The following LIMCH1 variants were observed in gnomAD, a reference collection of about 807,000 sequenced individuals.
LIMCH1 encodes LIM and calponin homology domains-containing protein 1.
In LIMCH1, 113 loss-of-function variants were observed where a neutral mutation model predicts 176.5. That is an observed-to-expected ratio of 0.64 (90% CI 0.55 to 0.75). The LOEUF (loss-of-function observed/expected upper bound fraction) is 0.75, where lower values mean the gene tolerates loss of function less well. LIMCH1 is among the 30% of genes least tolerant of loss of function. The pLI is 0.00. For missense variants in LIMCH1, 1,674 were observed against 1,814.9 expected (o/e 0.92, Z 1.41); for synonymous variants, 619 against 645.9 (o/e 0.96, Z 0.63).
chr4:41,581,139 TATCTATC>T (rs751156337), intron 1 of LIMCH1, among the ~76,000 whole-genome samples: 35 of 132,422 alleles, frequency 2.6e-4, no homozygotes, highest in African/African-American at 6.8e-4. Flanking sequence ...TCTATCTATC[TATCTATC>T]ATCTAATCAA....
At chr4:41,375,288 A>G (rs76237531) in intron 1 of LIMCH1, among the ~76,000 whole-genome samples, 5,026 of 152,312 alleles carry the variant, frequency 0.033, 121 homozygotes, top group Non-Finnish European at 0.051. Context: ...TCCTATTTTT[A>G]TAAGACTAGA....
intron 1 of LIMCH1, chr4:41,551,531 G>C (rs1252053638): frequency 6.6e-6 from 1 of 152,124 alleles, no homozygotes; most frequent in African/African-American, 2.4e-5. Flanking sequence ...ATACAAATAC[G>C]AGATGAAATT....
intron 1 of LIMCH1, among the ~76,000 whole-genome samples, chr4:41,395,750 G>T (rs2057739730): frequency 6.6e-6 from 1 of 151,908 alleles, no homozygotes; most frequent in Non-Finnish European, 1.5e-5. Context: ...AATACTTATT[G>T]AGCATCTACT....
At chr4:41,685,886 T>G in intron 28 of LIMCH1, 56 bp downstream of exon 28, 1 of 1,579,854 alleles carries the variant, frequency 6.3e-7, no homozygotes, top group South Asian at 1.2e-5. Context: ...TTCATTTAGT[T>G]AGAAGGGAGA....
At chr4:41,617,024 T>C (rs1300568871) in intron 5 of LIMCH1, among the ~76,000 whole-genome samples, 4 of 152,042 alleles carry the variant, frequency 2.6e-5, no homozygotes, top group Admixed American at 2.6e-4. Context: ...CTTATGTTGT[T>C]AGACAACATA....
intron 1 of LIMCH1, among the ~76,000 whole-genome samples, chr4:41,379,223 T>C (rs1451022035): frequency 6.6e-6 from 1 of 152,210 alleles, no homozygotes; most frequent in Non-Finnish European, 1.5e-5. Context: ...TGACTGTGGC[T>C]GGAAGATCTG....
intron 1 of LIMCH1, among the ~76,000 whole-genome samples, chr4:41,474,101 G>A (rs4861112): frequency 1.1e-3 from 164 of 152,018 alleles, no homozygotes; most frequent in African/African-American, 3.8e-3. Context: ...TTGCTTGAAC[G>A]CATGAAGGGG....
intron 1 of LIMCH1, among the ~76,000 whole-genome samples, chr4:41,428,822 C>T (rs780066923): frequency 1.2e-4 from 19 of 152,174 alleles, no homozygotes; most frequent in Non-Finnish European, 2.6e-4. Flanking sequence ...GAGAGAGCAT[C>T]GCTAATGGCA....
At chr4:41,593,244 A>G (rs1344595010) in intron 1 of LIMCH1, among the ~76,000 whole-genome samples, 2 of 152,266 alleles carry the variant, frequency 1.3e-5, no homozygotes, top group East Asian at 1.9e-4. Context: ...CCACTGGCCC[A>G]TGAACAAGGA....
In LIMCH1 at chr4:41,666,642, C is replaced by T. The variant is rs971047115; in HGVS notation, c.3373C>T (p.His1125Tyr). The T allele has an allele frequency of 1.2e-6, 2 of 1,613,112 alleles. No individual in the cohort carries two copies. The highest frequency in any genetic ancestry group is 1.7e-6 in the Non-Finnish European group (2 of 1,179,068). ...LDKMPEANQL[H>Y]LPNLNSQVDS... ...CAAAATGCCTGAAGCCAACCAACTA[C>T]ATTTGCCAAATCTCAATTCTCAAGG... Residue 1125 changes from histidine to tyrosine, a missense_variant, in exon 21 of 32, where the codon CAT (histidine) becomes TAT (tyrosine). Around this residue, in one of 3 missense-constraint regions of LIMCH1, gnomAD observed 1,015 missense variants for 1,102.5 expected, o/e 0.92. Transcript: ENST00000503057.
At chr4:41,626,642 A>C in intron 7 of LIMCH1, 66 bp from the exon 8 acceptor site, 3 of 1,285,944 alleles carry the variant, frequency 2.3e-6, no homozygotes, top group Non-Finnish European at 3.2e-6. Context: ...TTGTCTGTCT[A>C]GAGATGGAGA....
intron 11 of LIMCH1, 22 bp downstream of exon 11, chr4:41,632,889 C>T (rs1179569304): frequency 1.2e-5 from 19 of 1,532,190 alleles, no homozygotes; most frequent in Non-Finnish European, 1.7e-5. Flanking sequence ...TGTTTCCTGC[C>T]TTCCCGGGAG....
At chr4:41,414,961 T>C (rs1476191288) in intron 1 of LIMCH1, among the ~76,000 whole-genome samples, 1 of 152,140 alleles carries the variant, frequency 6.6e-6, no homozygotes, top group Admixed American at 6.5e-5. Flanking sequence ...TTGCCGCTTA[T>C]TAGATGTTTA....
intron 4 of LIMCH1, chr4:41,612,354 T>A (rs943027949): frequency 4.9e-5 from 28 of 567,204 alleles, no homozygotes; most frequent in Admixed American, 3.1e-4. Context: ...TTTTCCTTTC[T>A]ATTGGGAATG....
At chr4:41,467,158 TACACACAC>T (rs148147336) in intron 1 of LIMCH1, among the ~76,000 whole-genome samples, 22,365 of 143,496 alleles carry the variant, frequency 0.16, 2,130 homozygotes, top group African/African-American at 0.24. Flanking sequence ...TATGTATATA[TACACACAC>T]ACACACACAC....
chr4:41,383,972 C>G (rs142495099), intron 1 of LIMCH1, among the ~76,000 whole-genome samples: 1 of 152,250 alleles, frequency 6.6e-6, no homozygotes, highest in Non-Finnish European at 1.5e-5. Flanking sequence ...GTATCAGCAG[C>G]TAAGGCAAGA....
At chr4:41,666,333 C>T (rs1009071568) in intron 20 of LIMCH1, among the ~76,000 whole-genome samples, 4 of 152,110 alleles carry the variant, frequency 2.6e-5, no homozygotes, top group African/African-American at 9.7e-5. Context: ...GTGGTCATTA[C>T]GTTTTTACGC....
At chr4:41,518,973 C>T (rs1419909640) in intron 2 of LIMCH1, among the ~76,000 whole-genome samples, 1 of 152,078 alleles carries the variant, frequency 6.6e-6, no homozygotes, top group African/African-American at 2.4e-5. Flanking sequence ...TTTCTTTATC[C>T]AGTCTGTCAT....
At chr4:41,548,362 CACTCA>C (rs1345567136) in intron 1 of LIMCH1, among the ~76,000 whole-genome samples, 5 of 152,112 alleles carry the variant, frequency 3.3e-5, no homozygotes, top group Admixed American at 1.3e-4. Flanking sequence ...CATTTTATCT[CACTCA>C]ACTCATTTTA....
Sources: allele counts gnomAD v4.1 joint callset (sites outside exome capture counted in the v4.1 genomes callset), GRCh38; gene constraint gnomAD v4.1.1; regional missense constraint gnomAD v4.1.1; transcripts MANE v1.5; gene names NCBI Gene and HGNC (gene_info 2026-07-23, HGNC 2026-07-21).